RBMS1: variants seen among roughly 807,000 people sequenced by gnomAD.
RBMS1 encodes RNA-binding motif, single-stranded-interacting protein 1.
In RBMS1, 17 loss-of-function variants were observed where a neutral mutation model predicts 62.3. The observed-to-expected ratio is 0.27, with a 90% CI of 0.19 to 0.41. The LOEUF is 0.41. RBMS1 is among the 10% of genes least tolerant of loss of function. The pLI is 1.00. For synonymous variants in RBMS1, 172 were observed against 170.0 expected (o/e 1.01, Z -0.09); for missense variants, 334 against 504.5 (o/e 0.66, Z 3.24).
chr2:160,356,400 G>T (rs74488936), intron 2 of RBMS1, among the ~76,000 whole-genome samples: 1 of 150,044 alleles, frequency 6.7e-6, no homozygotes, highest in Admixed American at 6.6e-5. Flanking sequence ...ATCTCTTAGG[G>T]TCCTGGAGAA....
intron 6 of RBMS1, among the ~76,000 whole-genome samples, chr2:160,290,085 TGA>T (rs1688604137): frequency 7.3e-6 from 1 of 137,524 alleles, no homozygotes; most frequent in Admixed American, 7.6e-5. Context: ...TGTTACAAAA[TGA>T]GAGATCCTCA....
At chr2:160,417,524 A>G (rs1696255445) in intron 1 of RBMS1, among the ~76,000 whole-genome samples, 3 of 152,220 alleles carry the variant, frequency 2.0e-5, no homozygotes. Flanking sequence ...AGTGTCCTAT[A>G]AATATTCAGA....
intron 1 of RBMS1, among the ~76,000 whole-genome samples, chr2:160,398,381 G>A (rs976750365): frequency 1.3e-5 from 2 of 152,196 alleles, no homozygotes; most frequent in Non-Finnish European, 2.9e-5. Context: ...ATGTGTTTGA[G>A]AAGATCCAGG....
intron 1 of RBMS1, among the ~76,000 whole-genome samples, chr2:160,376,172 C>G (rs1693988454): frequency 6.6e-6 from 1 of 152,156 alleles, no homozygotes. Flanking sequence ...ATTAAACAAA[C>G]TTACTGAAAG....
At chr2:160,438,637 GAA>G (rs1162135522) in intron 1 of RBMS1, among the ~76,000 whole-genome samples, 3 of 152,150 alleles carry the variant, frequency 2.0e-5, no homozygotes, top group East Asian at 1.9e-4. Flanking sequence ...AGAACAAAAT[GAA>G]AAGTCTCCCA....
chr2:160,441,831 C>T (rs1228218307), intron 1 of RBMS1, among the ~76,000 whole-genome samples: 6 of 152,088 alleles, frequency 3.9e-5, no homozygotes, highest in Non-Finnish European at 5.9e-5. Context: ...AGGTGTTGGC[C>T]GTCTTTTTTA....
chr2:160,456,916 G>A (rs1448688051), intron 1 of RBMS1, among the ~76,000 whole-genome samples: 2 of 151,554 alleles, frequency 1.3e-5, no homozygotes, highest in East Asian at 1.9e-4. Flanking sequence ...TTTATCAACA[G>A]TGATAGTAGA....
At chr2:160,443,435 G>A (rs544837931) in intron 1 of RBMS1, among the ~76,000 whole-genome samples, 11 of 152,176 alleles carry the variant, frequency 7.2e-5, no homozygotes, top group African/African-American at 2.6e-4. Flanking sequence ...CAGCCTGATG[G>A]GAGGTGTTTG....
chr2:160,344,552 C>A (rs1487226834), intron 2 of RBMS1, among the ~76,000 whole-genome samples: 1 of 152,076 alleles, frequency 6.6e-6, no homozygotes, highest in African/African-American at 2.4e-5. Flanking sequence ...TATGGAAACA[C>A]CAATGGTTTC....
intron 6 of RBMS1, among the ~76,000 whole-genome samples, chr2:160,296,115 AG>A (rs1006530415): frequency 1.1e-4 from 17 of 152,338 alleles, no homozygotes; most frequent in Admixed American, 1.3e-4. Flanking sequence ...GGTTTACAGA[AG>A]ACTCCCACGT....
intron 1 of RBMS1, among the ~76,000 whole-genome samples, chr2:160,402,340 ATGC>A (rs1695473743): frequency 6.6e-6 from 1 of 152,214 alleles, no homozygotes; most frequent in African/African-American, 2.4e-5. Flanking sequence ...CCTAAGGAAT[ATGC>A]TAAGGGGCAA....
intron 2 of RBMS1, among the ~76,000 whole-genome samples, chr2:160,320,896 T>C (rs1690522685): frequency 6.6e-6 from 1 of 152,094 alleles, no homozygotes; most frequent in African/African-American, 2.4e-5. Context: ...AAAAGCACTT[T>C]TAGACTGTAT....
chr2:160,434,829 T>C (rs1683048865), intron 1 of RBMS1, among the ~76,000 whole-genome samples: 2 of 152,208 alleles, frequency 1.3e-5, no homozygotes, highest in South Asian at 4.1e-4. Context: ...AATGGTTATC[T>C]GATGATCTTT....
chr2:160,277,377 G>A lies in RBMS1; in HGVS notation c.1069C>T (p.Pro357Ser), dbSNP rs745707105. The change falls in exon 12 of 14, where the codon CCT becomes TCT. Residue 357 changes from proline to serine, a missense_variant. Pro to Ser is a moderately conservative substitution (Grantham distance 74). Transcript: ENST00000348849. ...GCTCCTTGCATAGCTGACGTTGCAG[G>A]CATGTACTAGAAAGAAGAATGAGGT... is the stretch of plus-strand genomic sequence containing the variant. ...LSLGSTGTYMPATSAMQGAYL... is the reference protein window; with the variant it reads ...LSLGSTGTYMSATSAMQGAYL... The A allele has an allele frequency of 1.9e-6, 3 of 1,611,674 alleles. No homozygotes were observed. The highest frequency in any genetic ancestry group is 2.5e-6 in the Non-Finnish European group (3 of 1,177,834).
At chr2:160,281,531 C>A in intron 9 of RBMS1, 167 bp from the exon 10 acceptor site, 1 of 551,504 alleles carries the variant, frequency 1.8e-6, no homozygotes, top group Non-Finnish European at 3.2e-6. Context: ...GCAAACTGGT[C>A]ACTCTGAACA....
intron 2 of RBMS1, among the ~76,000 whole-genome samples, chr2:160,324,261 G>A (rs201289555): frequency 1.3e-5 from 2 of 151,208 alleles, no homozygotes; most frequent in Admixed American, 6.6e-5. Flanking sequence ...GCGTGCGCGT[G>A]CACACACACA....
chr2:160,314,475 T>C (rs954995399), intron 3 of RBMS1, among the ~76,000 whole-genome samples: 2 of 152,112 alleles, frequency 1.3e-5, no homozygotes, highest in African/African-American at 4.8e-5. Context: ...TCTAAATTAG[T>C]AGTAATTTAG....
rs1376553482 is a variant in RBMS1, at chr2:160,449,748, G to A, written c.75+43541C>T. Among the ~76,000 whole-genome samples, 4 of 152,034 alleles carry A rather than the reference G, an allele frequency of 2.6e-5. No individual in the cohort carries two copies. The South Asian group carries it at 8.3e-4, about 32-fold the overall frequency. ...GAGACCCTTGTTCCCATGTTTATCTGCTGACCTCCCCTCCACTATTGTCCT... is the reference window on the plus strand; with the variant it reads ...GAGACCCTTGTTCCCATGTTTATCTACTGACCTCCCCTCCACTATTGTCCT... On this transcript the variant is annotated intron_variant, in intron 1 of 13. Transcript: ENST00000348849.
At chr2:160,428,060 A>G (rs902506138) in intron 1 of RBMS1, among the ~76,000 whole-genome samples, 2 of 152,124 alleles carry the variant, frequency 1.3e-5, no homozygotes, top group African/African-American at 4.8e-5. Flanking sequence ...CAGGATGGCT[A>G]CGAGATGGCT....
Sources: allele counts gnomAD v4.1 joint callset (sites outside exome capture counted in the v4.1 genomes callset), GRCh38; gene constraint gnomAD v4.1.1; transcripts MANE v1.5; gene names NCBI Gene and HGNC (gene_info 2026-07-23, HGNC 2026-07-21).